The following LRRC49 variants were observed in gnomAD, a reference collection of about 807,000 sequenced individuals.
LRRC49 encodes the protein leucine-rich repeat-containing protein 49.
In LRRC49, 50 loss-of-function variants were observed where a neutral mutation model predicts 83.3. The observed-to-expected ratio is 0.60, with a 90% CI of 0.48 to 0.76. LRRC49 has a LOEUF of 0.76. Ranked by LOEUF, LRRC49 falls within the 30% of genes least tolerant of loss-of-function variation. The probability of loss-of-function intolerance (pLI) is 0.00; values close to 1 mark genes in which losing one functional copy is unlikely to be tolerated. For missense variants in LRRC49, 704 were observed against 809.1 expected (o/e 0.87, Z 1.58); for synonymous variants, 286 against 283.3 (o/e 1.01, Z -0.10).
upstream of LRRC49, among the ~76,000 whole-genome samples, chr15:70,887,785 C>T (rs540017559): frequency 1.1e-4 from 16 of 152,162 alleles, no homozygotes; most frequent in South Asian, 2.7e-3. Flanking sequence ...GAATATCAAA[C>T]GCTTTTCTCA....
intron 8 of LRRC49, among the ~76,000 whole-genome samples, chr15:70,941,011 G>A (rs1447267999): frequency 1.3e-5 from 2 of 152,072 alleles, no homozygotes; most frequent in African/African-American, 4.8e-5. Flanking sequence ...TAAAAATAGG[G>A]GCATTTGTTT....
At chr15:71,013,929 C>T (rs1041405146) in intron 14 of LRRC49, among the ~76,000 whole-genome samples, 9 of 152,116 alleles carry the variant, frequency 5.9e-5, no homozygotes, top group Non-Finnish European at 8.8e-5. Context: ...GCTTTAGCTG[C>T]GCTGAGGATC....
At chr15:70,919,300 G>C in intron 7 of LRRC49, 107 bp downstream of exon 7, 1 of 1,004,780 alleles carries the variant, frequency 1.0e-6, no homozygotes, top group Non-Finnish European at 1.4e-6. Flanking sequence ...CGGTTATTTA[G>C]GTTTTTTCTG....
intron 7 of LRRC49, among the ~76,000 whole-genome samples, chr15:70,930,769 T>C (rs1370702615): frequency 1.3e-5 from 2 of 152,222 alleles, no homozygotes; most frequent in African/African-American, 4.8e-5. Context: ...CTTGCACTTT[T>C]ATGTTCTGGA....
intron 6 of LRRC49, among the ~76,000 whole-genome samples, chr15:70,914,061 T>C (rs1241011383): frequency 6.6e-6 from 1 of 151,896 alleles, no homozygotes; most frequent in African/African-American, 2.4e-5. Context: ...CTTCCAGTTA[T>C]AGAACCTTGA....
At chr15:71,039,668 TA>T (rs1005150616) in intron 15 of LRRC49, among the ~76,000 whole-genome samples, 12 of 152,160 alleles carry the variant, frequency 7.9e-5, no homozygotes, top group African/African-American at 2.7e-4. Context: ...AGATGTGTTT[TA>T]AAAAAATGTT....
At chr15:70,891,567 CTGTGTGTGTGTGTGTGTGTGTGTGTG>C (rs3220843), upstream of LRRC49, among the ~76,000 whole-genome samples, 20 of 137,142 alleles carry the variant, frequency 1.5e-4, no homozygotes, top group South Asian at 1.2e-3. Flanking sequence ...GGACAAGACT[CTGTGTGTGTGTGTGTGTGTGTGTGTG>C]TGTGTGTGTG....
chr15:71,040,166 T>C (rs997789083), intron 15 of LRRC49, among the ~76,000 whole-genome samples: 2 of 152,224 alleles, frequency 1.3e-5, no homozygotes, highest in Non-Finnish European at 2.9e-5. Flanking sequence ...TCTATAGACA[T>C]TGAAAATAAA....
At position 71,009,435 on chromosome 15, in the gene LRRC49, T is replaced by G. The variant is rs116232871; in HGVS notation, c.1408-372T>G. 4.5e-3 allele frequency: 711 copies of G among 157,034 alleles called. 9 individuals carry two copies. The highest frequency in any genetic ancestry group is 0.017 in the African/African-American group (690 of 41,780). 9.7% of individuals were successfully genotyped at this position (157,034 alleles called of 1,614,324 possible). A position where few individuals can be genotyped will look rare whatever the true frequency, so the allele number is the denominator to read the frequency against. ...GCCTGTATTTATAAAGTTCTGAAAT[T>G]TTCATTTCCAGTCTTTTTAAAAAAA... On this transcript the variant is annotated intron_variant, in intron 12 of 15. Transcript: ENST00000260382.
chr15:71,033,041 G>C (rs568431733), intron 14 of LRRC49, among the ~76,000 whole-genome samples: 1 of 152,152 alleles, frequency 6.6e-6, no homozygotes, highest in African/African-American at 2.4e-5. Context: ...GAAATAAAGC[G>C]TATTCAAAAA....
intron 11 of LRRC49, among the ~76,000 whole-genome samples, chr15:71,005,665 T>G (rs1418055918): frequency 1.3e-5 from 2 of 152,198 alleles, no homozygotes; most frequent in Non-Finnish European, 2.9e-5. Context: ...ATGATCTCAG[T>G]GTTGATTGTT....
At chr15:70,854,163 G>C (rs1157612690) in intron 1 of LRRC49, 2 of 1,094,238 alleles carry the variant, frequency 1.8e-6, no homozygotes, top group Non-Finnish European at 2.3e-6. Context: ...CGACTGCGAC[G>C]AGGGGGCGGG....
intron 11 of LRRC49, among the ~76,000 whole-genome samples, chr15:71,006,480 G>A (rs1336119943): frequency 6.6e-6 from 1 of 152,060 alleles, no homozygotes; most frequent in East Asian, 1.9e-4. Flanking sequence ...AAACCTTCTT[G>A]CTAAACCTGA....
chr15:71,037,299 T>C lies in LRRC49; in HGVS notation c.1824T>C (p.Tyr608=), dbSNP rs78310460. Reference sequence around the variant, plus strand: ...ACACAAATCGTGCTACATTAAATTATACTACAAGAGACTTTTATAATGAAA... The same window carrying C: ...ACACAAATCGTGCTACATTAAATTACACTACAAGAGACTTTTATAATGAAA... ...GENTNRATLN[Y]TTRDFYNEKL... is the part of the protein sequence containing the mutation. The change falls in exon 15 of 16, where the codon TAT becomes TAC. Residue 608 remains tyrosine (Y), a synonymous_variant. Coordinates refer to ENST00000260382, the MANE Select transcript of LRRC49 (RefSeq NM_017691.5). 1 of 1,606,232 alleles carries C rather than the reference T, an allele frequency of 6.2e-7. No homozygotes were observed. The highest frequency in any genetic ancestry group is 1.3e-5 in the African/African-American group (1 of 74,478).
intron 8 of LRRC49, among the ~76,000 whole-genome samples, chr15:70,947,338 T>C (rs1254686111): frequency 6.6e-6 from 1 of 152,208 alleles, no homozygotes; most frequent in African/African-American, 2.4e-5. Flanking sequence ...TCCAAGTTGG[T>C]TGTTGAAGAA....
chr15:70,955,554 A>T (rs2036370025), intron 8 of LRRC49, among the ~76,000 whole-genome samples: 1 of 152,218 alleles, frequency 6.6e-6, no homozygotes, highest in African/African-American at 2.4e-5. Context: ...AGACTCTCCA[A>T]CTTGAGTGGC....
intron 8 of LRRC49, among the ~76,000 whole-genome samples, chr15:70,939,848 T>G (rs1178408862): frequency 1.1e-4 from 12 of 110,952 alleles, no homozygotes; most frequent in Non-Finnish European, 1.9e-4. Context: ...TTAAACTAGG[T>G]TTTTTTTTTT....
chr15:70,998,896 C>A (rs1464289590), intron 11 of LRRC49, among the ~76,000 whole-genome samples: 2 of 152,048 alleles, frequency 1.3e-5, no homozygotes, highest in Non-Finnish European at 2.9e-5. Context: ...TAACCTCACT[C>A]CTCAGACTAC....
At chr15:70,973,916 C>T (rs574213625) in intron 9 of LRRC49, among the ~76,000 whole-genome samples, 1 of 152,086 alleles carries the variant, frequency 6.6e-6, no homozygotes, top group East Asian at 1.9e-4. Flanking sequence ...ATCACAAGGT[C>T]AGGAGATTGA....
Sources: gnomAD v4.1 joint callset for allele counts (sites outside exome capture counted in the v4.1 genomes callset) on GRCh38, gnomAD v4.1.1 for gene constraint, MANE v1.5 for transcripts, NCBI Gene and HGNC (gene_info 2026-07-23, HGNC 2026-07-21) for gene names.